The following VTCN1 variants were observed in gnomAD, a reference collection of about 807,000 sequenced individuals.
The protein encoded by VTCN1 is V-set domain containing T cell activation inhibitor 1.
Under a neutral mutation model 26.5 loss-of-function variants are expected in VTCN1, and 26 were observed. That is an observed-to-expected ratio of 0.98 (90% CI 0.72 to 1.36). The LOEUF (loss-of-function observed/expected upper bound fraction) is 1.36. Ranked by LOEUF, VTCN1 falls within the 40% of genes most tolerant of loss-of-function variation. VTCN1 has a pLI of 0.00. For missense variants in VTCN1, 298 were observed against 337.7 expected, an observed-to-expected ratio of 0.88 and a Z score of 0.92; for synonymous variants, 116 against 130.7, an observed-to-expected ratio of 0.89 and a Z score of 0.77.
intron 1 of VTCN1, among the ~76,000 whole-genome samples, chr1:117,180,780 T>C (rs1052579090): frequency 6.6e-6 from 1 of 152,108 alleles, no homozygotes; most frequent in Admixed American, 6.5e-5. Flanking sequence ...GGCATCCCCT[T>C]GCTCTCCCCG....
In VTCN1 at chr1:117,147,369, G is replaced by C. The variant is rs1651562976; in HGVS notation, c.*45+244C>G. On this transcript the variant is annotated intron_variant, in intron 5 of 5. Coordinates refer to ENST00000369458, the MANE Select transcript of VTCN1 (RefSeq NM_024626.4). The surrounding 1 kb of genome is among the most constrained non-coding windows in gnomAD (Gnocchi z 4.6). ...TCATTGATGACTGAGTAACTTAAAA[G>C]GTATTTGAATTTACATAAATACTTG... Among the ~76,000 whole-genome samples, 2 of 152,114 alleles carry C rather than the reference G, an allele frequency of 1.3e-5. No individual in the cohort carries two copies. The highest frequency in any genetic ancestry group is 1.3e-4 in the Admixed American group (2 of 15,274).
intron 1 of VTCN1, among the ~76,000 whole-genome samples, chr1:117,197,595 C>T (rs1034561441): frequency 6.6e-6 from 1 of 152,196 alleles, no homozygotes. Flanking sequence ...ATGGAAACCT[C>T]TAGAGGGTAT....
chr1:117,178,109 AC>A (rs1647463201), intron 1 of VTCN1, among the ~76,000 whole-genome samples: 2 of 151,472 alleles, frequency 1.3e-5, no homozygotes, highest in Non-Finnish European at 2.9e-5. Context: ...TAATTAAAAA[AC>A]AAAAAATTTG....
chr1:117,203,223 A>G (rs915575181), intron 1 of VTCN1, among the ~76,000 whole-genome samples: 11 of 152,038 alleles, frequency 7.2e-5, no homozygotes, highest in Admixed American at 6.6e-4. Flanking sequence ...AGGGTAGAGC[A>G]AGATAATCAT....
At chr1:117,189,887 A>G (rs1234242663) in intron 1 of VTCN1, among the ~76,000 whole-genome samples, 1 of 124,624 alleles carries the variant, frequency 8.0e-6, no homozygotes, top group African/African-American at 3.2e-5. Context: ...AGGAGGTTGC[A>G]AAACCCCAGT....
chr1:117,174,743 A>G (rs1647223645), intron 1 of VTCN1, among the ~76,000 whole-genome samples: 1 of 152,150 alleles, frequency 6.6e-6, no homozygotes, highest in Non-Finnish European at 1.5e-5. Context: ...GAAGAATTTA[A>G]ACCCAGGGGA....
intron 1 of VTCN1, among the ~76,000 whole-genome samples, chr1:117,190,850 C>T (rs1376652981): frequency 6.6e-6 from 1 of 152,152 alleles, no homozygotes; most frequent in Non-Finnish European, 1.5e-5. Context: ...TAATGCAAGT[C>T]TATGCACATT....
At chr1:117,192,765 T>C (rs560500777) in intron 1 of VTCN1, among the ~76,000 whole-genome samples, 29 of 151,842 alleles carry the variant, frequency 1.9e-4, no homozygotes, top group Non-Finnish European at 4.0e-4. Flanking sequence ...AAAATTCTAG[T>C]AGACAAAAGA....
intron 1 of VTCN1, among the ~76,000 whole-genome samples, chr1:117,192,096 C>T (rs2101580947): frequency 6.6e-6 from 1 of 152,042 alleles, no homozygotes; most frequent in African/African-American, 2.4e-5. Context: ...CTCCAAGACA[C>T]ATTATAATAA....
chr1:117,209,746 C>G (rs1649268219), intron 1 of VTCN1, among the ~76,000 whole-genome samples: 1 of 152,228 alleles, frequency 6.6e-6, no homozygotes, highest in Non-Finnish European at 1.5e-5. Context: ...CCCCACCAGC[C>G]CTGCAGAGTC....
rs540279010 is a variant in VTCN1, at chr1:117,165,120, G to A, written c.97+4987C>T. Among the ~76,000 whole-genome samples, 62 of 152,358 alleles carry A rather than the reference G, an allele frequency of 4.1e-4. No homozygotes were observed. In the South Asian group the frequency reaches 0.011, roughly 26 times the overall value. ...TTCTCCACTACAACTCTGTGTGAAC[G>A]TTGTCATTGGTATGGGGTGATGGGT... On this transcript the variant is annotated intron_variant, in intron 2 of 5. Transcript: ENST00000369458.
intron 2 of VTCN1, 91 bp downstream of exon 2, chr1:117,170,016 G>A (rs552127036): frequency 1.6e-6 from 2 of 1,261,896 alleles, no homozygotes; most frequent in Non-Finnish European, 2.3e-6. Context: ...CTGGGTCAAA[G>A]CTCTGGGCTC....
intron 4 of VTCN1, among the ~76,000 whole-genome samples, chr1:117,151,458 G>A (rs760137084): frequency 6.6e-6 from 1 of 152,152 alleles, no homozygotes; most frequent in Non-Finnish European, 1.5e-5. Flanking sequence ...ATCACAGACA[G>A]CAGCCCTACC....
rs77479569 is a variant in VTCN1, at chr1:117,159,966, C to G, written c.98-3045G>C. ...GCTTCCTCCTCACTTGGCCAGCCTA[C>G]AGCCTACCCAGTCAAGGAAGGATCA... On this transcript the variant is annotated intron_variant, in intron 2 of 5. Transcript: ENST00000369458. This position sits in a 1 kb window ranked among gnomAD's most constrained non-coding sequence, Gnocchi z 4.7. 0.054 allele frequency among the ~76,000 whole-genome samples: 8,163 copies of G among 152,320 alleles called. 263 individuals are homozygous for G. Among genetic ancestry groups the G allele is most frequent in the South Asian group, 0.079 (382 of 4,822 alleles).
At chr1:117,180,557 T>C (rs1647625495) in intron 1 of VTCN1, among the ~76,000 whole-genome samples, 1 of 152,202 alleles carries the variant, frequency 6.6e-6, no homozygotes, top group South Asian at 2.1e-4. Context: ...ACAAAGGGCC[T>C]GTACTGTTAG....
At chr1:117,178,377 C>T (rs1253094396) in intron 1 of VTCN1, among the ~76,000 whole-genome samples, 1 of 151,018 alleles carries the variant, frequency 6.6e-6, no homozygotes, top group African/African-American at 2.4e-5. Flanking sequence ...CTGCCTTAGC[C>T]TCCTGAGTAG....
At chr1:117,208,916 C>A (rs1232520348) in intron 1 of VTCN1, among the ~76,000 whole-genome samples, 2 of 152,194 alleles carry the variant, frequency 1.3e-5, no homozygotes, top group African/African-American at 4.8e-5. Flanking sequence ...GTCATGATCA[C>A]CTCCAGGAGA....
chr1:117,166,235 C>A (rs763833916), intron 2 of VTCN1, among the ~76,000 whole-genome samples: 20 of 152,162 alleles, frequency 1.3e-4, no homozygotes, highest in Non-Finnish European at 2.8e-4. Flanking sequence ...TAGCAAACCT[C>A]CTGACTAACA....
At chr1:117,182,584 C>G (rs150129996) in intron 1 of VTCN1, among the ~76,000 whole-genome samples, 1 of 152,176 alleles carries the variant, frequency 6.6e-6, no homozygotes, top group East Asian at 1.9e-4. Context: ...GGGAGACACT[C>G]CCTGTCCTAG....
Sources: gnomAD v4.1 joint callset for allele counts (sites outside exome capture counted in the v4.1 genomes callset) on GRCh38, gnomAD v4.1.1 for gene constraint, Gnocchi (gnomAD v3.1) non-coding constraint, MANE v1.5 for transcripts, NCBI Gene and HGNC (gene_info 2026-07-23, HGNC 2026-07-21) for gene names.